Variants in LGALS1 observed in about 807,000 individuals in gnomAD.
LGALS1 encodes the protein galectin-1.
In LGALS1, 14 loss-of-function variants were observed where a neutral mutation model predicts 14.4. The observed-to-expected ratio is 0.97, with a 90% CI of 0.64 to 1.52. LGALS1 has a LOEUF of 1.52. LGALS1 is among the 40% of genes most tolerant of loss of function. LGALS1 has a pLI of 0.00. For missense variants in LGALS1, 170 were observed against 181.4 expected (o/e 0.94, Z 0.36); for synonymous variants, 71 against 73.4 (o/e 0.97, Z 0.17).
chr22:37,676,884 C>T (rs1256658878), intron 1 of LGALS1, 102 bp from the exon 2 acceptor site: 2 of 1,144,874 alleles, frequency 1.7e-6, no homozygotes, highest in African/African-American at 1.5e-5. Flanking sequence ...CAGAGGATGC[C>T]GGGCGGGAAC....
In LGALS1 at chr22:37,677,022, G is replaced by C; in HGVS notation, c.46G>C (p.Glu16Gln). 1 of 1,614,152 alleles carries C rather than the reference G, an allele frequency of 6.2e-7. No homozygotes were observed. The highest frequency in any genetic ancestry group is 8.5e-7 in the Non-Finnish European group (1 of 1,180,034). ...CAGCAACCTGAATCTCAAACCTGGA[G>C]AGTGCCTTCGAGTGCGAGGCGAGGT... ...VASNLNLKPG[E>Q]CLRVRGEVAP... Residue 16 changes from glutamate to glutamine, a missense_variant, in exon 2 of 4, where the codon GAG becomes CAG. Physicochemically the swap from Glu to Gln is conservative, Grantham distance 29. Coordinates refer to ENST00000215909, the MANE Select transcript of LGALS1 (RefSeq NM_002305.4).
At chr22:37,676,149 C>G (rs1364286614) in intron 1 of LGALS1, 1 of 153,380 alleles carries the variant, frequency 6.5e-6, no homozygotes, top group African/African-American at 2.4e-5. Context: ...TGAAAAGTTG[C>G]CAGGACCCGA....
intron 1 of LGALS1, among the ~76,000 whole-genome samples, chr22:37,676,539 A>C (rs1456034985): frequency 6.6e-6 from 1 of 152,016 alleles, no homozygotes; most frequent in Non-Finnish European, 1.5e-5. Context: ...GAGGGGCTTG[A>C]AGGAGAATAG....
chr22:37,676,891 G>C (rs1330483135), intron 1 of LGALS1, 95 bp from the exon 2 acceptor site: 1 of 1,277,338 alleles, frequency 7.8e-7, no homozygotes, highest in Non-Finnish European at 1.1e-6. Flanking sequence ...TGCCGGGCGG[G>C]AACAACCCCA....
chr22:37,677,237 C>T (rs1184875757), intron 2 of LGALS1, 172 bp downstream of exon 2: 2 of 625,642 alleles, frequency 3.2e-6, no homozygotes, highest in African/African-American at 1.8e-5. Flanking sequence ...GCGCCCCCAC[C>T]GTTGCCGCCC....
At chr22:37,676,678 C>G (rs79290987) in intron 1 of LGALS1, among the ~76,000 whole-genome samples, 9,523 of 152,216 alleles carry the variant, frequency 0.063, 356 homozygotes, top group South Asian at 0.096. Flanking sequence ...ACAGAGCACC[C>G]CATCTCCCAA....
At chr22:37,676,532 G>C (rs1443753688) in intron 1 of LGALS1, among the ~76,000 whole-genome samples, 3 of 152,048 alleles carry the variant, frequency 2.0e-5, no homozygotes, top group African/African-American at 7.2e-5. Flanking sequence ...TTGCAGAGAG[G>C]GGCTTGAAGG....
chr22:37,675,829 C>A, intron 1 of LGALS1, 118 bp downstream of exon 1: 1 of 937,800 alleles, frequency 1.1e-6, no homozygotes. Flanking sequence ...GGAACCAGTG[C>A]CTTCTCTTTT....
intron 2 of LGALS1, chr22:37,677,380 G>A: frequency 2.8e-6 from 1 of 357,948 alleles, no homozygotes; most frequent in South Asian, 2.9e-5. Flanking sequence ...AGGGCGGGGA[G>A]AGGAGTGGGG....
In LGALS1 at chr22:37,678,685, G is replaced by T. The variant is rs769847660; in HGVS notation, c.261+31G>T. On this transcript the variant is annotated intron_variant, in intron 3 of 3. Transcript: ENST00000215909. ...CTGCAGACCGGAACCGGGGACCAGG[G>T]ACAGGGGCTGGGTGGGCTGGGGCGG... The T allele has an allele frequency of 5.7e-6, 3 of 527,146 alleles. No individual in the cohort carries two copies. The Admixed American group carries it at 8.3e-5, about 14-fold the overall frequency. 32.7% of individuals were successfully genotyped at this position (527,146 alleles called of 1,614,324 possible). A position where few individuals can be genotyped will look rare whatever the true frequency, so the allele number is the denominator to read the frequency against.
intron 2 of LGALS1, among the ~76,000 whole-genome samples, chr22:37,677,864 A>G (rs984637970): frequency 1.3e-5 from 2 of 151,850 alleles, no homozygotes; most frequent in East Asian, 3.9e-4. Context: ...GGCTCACCAC[A>G]ACCTCCGCCT....
At chr22:37,679,474 A>C in intron 3 of LGALS1, 129 bp from the exon 4 acceptor site, 2 of 761,460 alleles carry the variant, frequency 2.6e-6, no homozygotes, top group South Asian at 7.8e-5. Flanking sequence ...AAAAAGAAAG[A>C]AAAAATATTA....
Position 37,679,691 on chromosome 22 carries a change from C to T in LGALS1, c.350C>T (p.Ala117Val), listed in dbSNP as rs372067495. 1.9e-6 allele frequency: 3 copies of T among 1,610,910 alleles called. No homozygotes were observed. Among genetic ancestry groups the T allele is most frequent in the Non-Finnish European group, 2.5e-6 (3 of 1,178,926 alleles). ...TTCCCCAACCGCCTCAACCTGGAGG[C>T]CATCAACTACATGGCAGCTGACGGT... ...FKFPNRLNLE[A>V]INYMAADGDF... is the part of the protein sequence containing the mutation. The change falls in exon 4 of 4, where the codon GCC becomes GTC. Residue 117 changes from alanine (A) to valine (V), a missense_variant. By Grantham distance (64) the Ala-to-Val change is moderately conservative. Transcript: ENST00000215909.
rs779093630 is a variant in LGALS1 at position 37,679,754 on chromosome 22, A to G, written c.*5A>G. On this transcript the variant is annotated 3_prime_UTR_variant, in exon 4 of 4. Transcript: ENST00000215909. ...AAATGTGTGGCCTTTGACTGAAATC[A>G]GCCAGCCCATGGCCCCCAATAAAGG... 1 of 1,584,794 alleles carries G rather than the reference A, an allele frequency of 6.3e-7. No homozygotes were observed. Among genetic ancestry groups the G allele is most frequent in the Admixed American group, 1.8e-5 (1 of 56,380 alleles).
chr22:37,676,884 C>G, intron 1 of LGALS1, 102 bp from the exon 2 acceptor site: 1 of 1,144,994 alleles, frequency 8.7e-7, no homozygotes, highest in Non-Finnish European at 1.3e-6. Flanking sequence ...CAGAGGATGC[C>G]GGGCGGGAAC....
At chr22:37,677,351 G>A (rs565344743) in intron 2 of LGALS1, 151 of 423,984 alleles carry the variant, frequency 3.6e-4, no homozygotes, top group Non-Finnish European at 6.0e-4. Flanking sequence ...TCCGGTCTGG[G>A]CGGGACCTGT....
chr22:37,677,172 G>T, intron 2 of LGALS1, 107 bp downstream of exon 2: 1 of 1,120,246 alleles, frequency 8.9e-7, no homozygotes, highest in South Asian at 1.4e-5. Context: ...GCGGGTTAAC[G>T]GCCAGCCGCC....
intron 2 of LGALS1, 161 bp from the exon 3 acceptor site, chr22:37,678,322 G>A: frequency 2.6e-6 from 2 of 771,084 alleles, no homozygotes; most frequent in Non-Finnish European, 2.3e-6. Flanking sequence ...GGGAAGAGGG[G>A]CAGGAGCAGG....
At chr22:37,678,701 GCT>G in intron 3 of LGALS1, 47 bp downstream of exon 3, 5 of 1,398,566 alleles carry the variant, frequency 3.6e-6, no homozygotes, top group Admixed American at 2.4e-5. Flanking sequence ...GGCTGGGTGG[GCT>G]GGGGCGGGGC....
Sources: gnomAD v4.1 joint callset for allele counts (sites outside exome capture counted in the v4.1 genomes callset) on GRCh38, gnomAD v4.1.1 for gene constraint, MANE v1.5 for transcripts, NCBI Gene and HGNC (gene_info 2026-07-23, HGNC 2026-07-21) for gene names.